ZNF385B: variants seen among roughly 807,000 people sequenced by gnomAD.
ZNF385B encodes the protein zinc finger protein 385B.
ZNF385B carries 23 observed loss-of-function variants against 39.2 expected under a neutral mutation model. That is an observed-to-expected ratio of 0.59 (90% CI 0.42 to 0.83). ZNF385B has a LOEUF of 0.83. Ranked by LOEUF, ZNF385B falls within the 40% of genes least tolerant of loss-of-function variation. ZNF385B has a pLI of 0.00. For missense variants in ZNF385B, 552 were observed against 598.9 expected (o/e 0.92, Z 0.82); for synonymous variants, 205 against 222.6 (o/e 0.92, Z 0.70).
intron 3 of ZNF385B, among the ~76,000 whole-genome samples, chr2:179,579,806 A>G (rs1451118369): frequency 3.9e-5 from 6 of 152,120 alleles, no homozygotes; most frequent in African/African-American, 1.4e-4. Context: ...ATGTTTTGTT[A>G]TTTCTATGCA....
intron 3 of ZNF385B, among the ~76,000 whole-genome samples, chr2:179,613,062 C>G (rs1689427539): frequency 1.3e-5 from 2 of 152,340 alleles, no homozygotes; most frequent in South Asian, 4.1e-4. Context: ...CCAATGTTCA[C>G]TCAAATCTTA....
chr2:179,543,082 G>A (rs563577325), intron 4 of ZNF385B, among the ~76,000 whole-genome samples: 17 of 152,246 alleles, frequency 1.1e-4, no homozygotes, highest in African/African-American at 3.6e-4. Flanking sequence ...GAACAGCCTG[G>A]CCAACATGGC....
intron 5 of ZNF385B, among the ~76,000 whole-genome samples, chr2:179,490,281 T>C (rs989146468): frequency 6.6e-6 from 1 of 151,786 alleles, no homozygotes; most frequent in Non-Finnish European, 1.5e-5. Context: ...TGCTTTGAAA[T>C]ACCACTATTT....
chr2:179,658,744 C>T (rs1694095964), intron 3 of ZNF385B, among the ~76,000 whole-genome samples: 1 of 152,102 alleles, frequency 6.6e-6, no homozygotes, highest in Admixed American at 6.5e-5. Context: ...TTTACTATAT[C>T]CCCAATAGGT....
chr2:179,455,928 T>C (rs2050657626), intron 6 of ZNF385B, among the ~76,000 whole-genome samples: 1 of 151,610 alleles, frequency 6.6e-6, no homozygotes, highest in Non-Finnish European at 1.5e-5. Context: ...ATGTCTTTAT[T>C]AACAATGTGA....
intron 3 of ZNF385B, among the ~76,000 whole-genome samples, chr2:179,628,116 T>C (rs1369265853): frequency 6.6e-6 from 1 of 152,170 alleles, no homozygotes; most frequent in Non-Finnish European, 1.5e-5. Flanking sequence ...CATCAGTTTG[T>C]ATTTCTAAGA....
At chr2:179,640,924 C>T (rs1038010755) in intron 3 of ZNF385B, among the ~76,000 whole-genome samples, 9 of 152,096 alleles carry the variant, frequency 5.9e-5, no homozygotes, top group Non-Finnish European at 8.8e-5. Flanking sequence ...TTCTTTTCTC[C>T]GATTTCCAGT....
At chr2:179,473,496 T>C (rs115390515) in intron 6 of ZNF385B, among the ~76,000 whole-genome samples, 2,281 of 152,000 alleles carry the variant, frequency 0.015, 52 homozygotes, top group African/African-American at 0.052. Flanking sequence ...CTTACAACAA[T>C]CCTAGGAGGT....
intron 3 of ZNF385B, among the ~76,000 whole-genome samples, chr2:179,675,008 T>C (rs970423107): frequency 1.3e-5 from 2 of 152,226 alleles, no homozygotes; most frequent in Non-Finnish European, 1.5e-5. Flanking sequence ...TTGAATACTA[T>C]GGGAGTTAGG....
chr2:179,839,726 G>T (rs1269113095), intron 1 of ZNF385B, among the ~76,000 whole-genome samples: 1 of 152,106 alleles, frequency 6.6e-6, no homozygotes, highest in Admixed American at 6.5e-5. Context: ...GGATACTGCA[G>T]GAACCAAGGA....
chr2:179,545,752 GT>G (rs1427938160), intron 3 of ZNF385B, among the ~76,000 whole-genome samples: 2 of 151,820 alleles, frequency 1.3e-5, no homozygotes, highest in African/African-American at 2.4e-5. Context: ...TTTAAATTTT[GT>G]TTTAACTTTT....
intron 5 of ZNF385B, among the ~76,000 whole-genome samples, chr2:179,507,601 G>A (rs960614733): frequency 9.2e-5 from 14 of 152,092 alleles, no homozygotes; most frequent in Non-Finnish European, 1.9e-4. Context: ...CAGTTCAGCA[G>A]TATTTATAAT....
Position 179,757,898 on chromosome 2 carries a change from C to T in ZNF385B, c.298+11605G>A, listed in dbSNP as rs554995580. Reference sequence around the variant, plus strand: ...GGCTAGGAAAGGGAATTCCCTGACCCCTTGTGCTTCCCAGGTGAGGCGATG... The same window carrying T: ...GGCTAGGAAAGGGAATTCCCTGACCTCTTGTGCTTCCCAGGTGAGGCGATG... On this transcript the variant is annotated intron_variant, in intron 3 of 9. Coordinates refer to ENST00000410066, the MANE Select transcript of ZNF385B (RefSeq NM_152520.6). 2.2e-3 allele frequency among the ~76,000 whole-genome samples: 332 copies of T among 152,190 alleles called. 4 individuals are homozygous for T. Among genetic ancestry groups the T allele is most frequent in the African/African-American group, 7.7e-3 (319 of 41,524 alleles).
chr2:179,714,697 G>A (rs528563874), intron 3 of ZNF385B, among the ~76,000 whole-genome samples: 1 of 152,140 alleles, frequency 6.6e-6, no homozygotes, highest in South Asian at 2.1e-4. Flanking sequence ...TGTAATCCCA[G>A]CACTTTGGGA....
intron 5 of ZNF385B, among the ~76,000 whole-genome samples, chr2:179,493,782 C>CATATATGTATACATATGTGTATAT (rs1559338426): frequency 1.1e-4 from 10 of 89,524 alleles, no homozygotes; most frequent in African/African-American, 4.1e-4. Context: ...TATGTATATA[C>CATATATGTATACATATGTGTATAT]ACATATGTAT....
At position 179,695,718 on chromosome 2, in the gene ZNF385B, T is replaced by C. The variant is rs1254701999; in HGVS notation, c.298+73785A>G. ...TAAGTTTTCATGAGAACATAGAGAATTGGAACCCTCATGCAGTACTACTGT... is the reference window on the plus strand; with the variant it reads ...TAAGTTTTCATGAGAACATAGAGAACTGGAACCCTCATGCAGTACTACTGT... On this transcript the variant is annotated intron_variant, in intron 3 of 9. Coordinates refer to ENST00000410066, the MANE Select transcript of ZNF385B (RefSeq NM_152520.6). Among the ~76,000 whole-genome samples, 8 of 152,292 alleles carry C rather than the reference T, an allele frequency of 5.3e-5. No individual in the cohort carries two copies. In the East Asian group the frequency reaches 7.7e-4, roughly 15 times the overall value.
intron 1 of ZNF385B, among the ~76,000 whole-genome samples, chr2:179,774,313 T>C (rs1704185321): frequency 6.6e-6 from 1 of 151,988 alleles, no homozygotes; most frequent in African/African-American, 2.4e-5. Flanking sequence ...CATGGGTGTA[T>C]ACGTGTGTAG....
intron 3 of ZNF385B, among the ~76,000 whole-genome samples, chr2:179,662,635 T>C (rs371675474): frequency 6.6e-6 from 1 of 152,196 alleles, no homozygotes. Context: ...ATGTTTTCCA[T>C]TTGTACTCTC....
intron 3 of ZNF385B, among the ~76,000 whole-genome samples, chr2:179,708,933 G>A (rs1419479482): frequency 2.0e-5 from 3 of 152,164 alleles, no homozygotes; most frequent in East Asian, 1.9e-4. Context: ...AGATTACTGG[G>A]AATTAAATAA....
Sources: allele counts gnomAD v4.1 joint callset (sites outside exome capture counted in the v4.1 genomes callset), GRCh38; gene constraint gnomAD v4.1.1; transcripts MANE v1.5; gene names NCBI Gene and HGNC (gene_info 2026-07-23, HGNC 2026-07-21).